The following CAST variants were observed in gnomAD, a reference collection of about 807,000 sequenced individuals.
CAST encodes the protein MIR583 host.
In CAST, 76 loss-of-function variants were observed where a neutral mutation model predicts 119.6. The observed-to-expected ratio is 0.64, with a 90% CI of 0.53 to 0.77. The LOEUF is 0.77. Among genes scored for constraint, CAST ranks in the 30% least tolerant of loss-of-function variants. The pLI is 0.00. For synonymous variants in CAST, 319 were observed against 331.6 expected, an observed-to-expected ratio of 0.96 and a Z score of 0.41; for missense variants, 953 against 946.5, an observed-to-expected ratio of 1.01 and a Z score of -0.09.
the CAST span, among the ~76,000 whole-genome samples, chr5:95,983,877 C>T: frequency 6.6e-6 from 1 of 152,134 alleles, no homozygotes; most frequent in African/African-American, 2.4e-5. Flanking sequence ...TTACAGCATA[C>T]ACCAAAAGTG....
At chr5:96,085,554 A>G in the CAST span, among the ~76,000 whole-genome samples, 1 of 152,250 alleles carries the variant, frequency 6.6e-6, no homozygotes, top group Non-Finnish European at 1.5e-5. Flanking sequence ...TTAGAGGGCT[A>G]AGAACTGAGG....
chr5:96,324,433 T>C, the CAST span, among the ~76,000 whole-genome samples: 3 of 152,224 alleles, frequency 2.0e-5, no homozygotes, highest in African/African-American at 7.2e-5. Flanking sequence ...CTAATCGTAA[T>C]TAGAATGTCC....
At chr5:96,160,644 C>T in the CAST span, among the ~76,000 whole-genome samples, 1 of 152,074 alleles carries the variant, frequency 6.6e-6, no homozygotes, top group Non-Finnish European at 1.5e-5. Flanking sequence ...AATTGCTGTA[C>T]CATATGGTAA....
At chr5:96,628,330 G>A (rs1233814589) in intron 1 of CAST, among the ~76,000 whole-genome samples, 3 of 152,206 alleles carry the variant, frequency 2.0e-5, no homozygotes, top group Admixed American at 6.5e-5. Context: ...TCAGACTTCT[G>A]AGCAAGAATG....
At chr5:96,311,739 C>CT in the CAST span, among the ~76,000 whole-genome samples, 9 of 150,920 alleles carry the variant, frequency 6.0e-5, no homozygotes, top group African/African-American at 1.7e-4. Context: ...AACAAAAATT[C>CT]TTTTTTTTTC....
At chr5:96,235,010 A>G in the CAST span, among the ~76,000 whole-genome samples, 2 of 152,228 alleles carry the variant, frequency 1.3e-5, no homozygotes, top group African/African-American at 4.8e-5. Flanking sequence ...ACCTGAATAA[A>G]TCAAGTTTCT....
chr5:96,325,408 TTCTC>T, the CAST span, among the ~76,000 whole-genome samples: 6 of 151,456 alleles, frequency 4.0e-5, no homozygotes, highest in African/African-American at 1.2e-4. Flanking sequence ...TTTTCTTTCT[TTCTC>T]TCTTTCTTTC....
At chr5:96,411,250 A>C in the CAST span, among the ~76,000 whole-genome samples, 4 of 152,326 alleles carry the variant, frequency 2.6e-5, no homozygotes, top group East Asian at 7.7e-4. Flanking sequence ...GCAGATTCAT[A>C]ATCTAGCGTT....
chr5:96,614,291 T>C (rs940111660), intron 1 of CAST, among the ~76,000 whole-genome samples: 3 of 152,330 alleles, frequency 2.0e-5, no homozygotes, highest in African/African-American at 4.8e-5. Context: ...CGTTAGGTTA[T>C]TGCGGTGAAG....
the CAST span, among the ~76,000 whole-genome samples, chr5:96,314,448 CA>C: frequency 6.6e-6 from 1 of 152,182 alleles, no homozygotes; most frequent in Non-Finnish European, 1.5e-5. Context: ...GTATTTGTAG[CA>C]TAGGTGAAGC....
At chr5:96,285,402 G>A in the CAST span, among the ~76,000 whole-genome samples, 6 of 152,160 alleles carry the variant, frequency 3.9e-5, no homozygotes, top group Non-Finnish European at 7.4e-5. Context: ...TTAACCTCAG[G>A]CTTGATTGAT....
the CAST span, among the ~76,000 whole-genome samples, chr5:96,291,850 G>GTGTGTA: frequency 7.2e-6 from 1 of 138,926 alleles, no homozygotes; most frequent in Non-Finnish European, 1.5e-5. Flanking sequence ...CTGCGTGTGT[G>GTGTGTA]TGTGTGTGTG....
chr5:96,298,894 G>GTGTGTGTA, the CAST span, among the ~76,000 whole-genome samples: 4 of 151,814 alleles, frequency 2.6e-5, no homozygotes, highest in African/African-American at 9.7e-5. Flanking sequence ...GTGTGTGTGT[G>GTGTGTGTA]TGTGCCTTAA....
intron 1 of CAST, among the ~76,000 whole-genome samples, chr5:96,556,178 A>G (rs1017021168): frequency 7.2e-5 from 11 of 152,370 alleles, no homozygotes; most frequent in Middle Eastern, 3.4e-3. Flanking sequence ...ACTAACAAAC[A>G]GAAAGGACAT....
chr5:96,584,511 G>A (rs1243446980), intron 1 of CAST: 1 of 152,208 alleles, frequency 6.6e-6, no homozygotes, highest in African/African-American at 2.4e-5. Flanking sequence ...AAAGAATTTA[G>A]CAAAGATATT....
At chr5:96,535,366 G>A (rs1305697043) in intron 1 of CAST, among the ~76,000 whole-genome samples, 2 of 143,790 alleles carry the variant, frequency 1.4e-5, no homozygotes, top group Admixed American at 1.5e-4. Context: ...ATTTATCATT[G>A]TGGAAGCAAA....
chr5:96,023,158 AC>A, the CAST span, among the ~76,000 whole-genome samples: 4 of 152,088 alleles, frequency 2.6e-5, no homozygotes, highest in African/African-American at 9.7e-5. Context: ...CATCCTCAAC[AC>A]CACTTCCCTA....
At chr5:96,267,426 C>G in the CAST span, among the ~76,000 whole-genome samples, 3 of 152,062 alleles carry the variant, frequency 2.0e-5, no homozygotes, top group Non-Finnish European at 4.4e-5. Flanking sequence ...CTAAAGGCAT[C>G]AAGAGAAAGA....
chr5:96,487,066 C>T, the CAST span, among the ~76,000 whole-genome samples: 8 of 152,224 alleles, frequency 5.3e-5, no homozygotes, highest in Admixed American at 1.3e-4. Context: ...TATGTGAGGG[C>T]GCTTTTGGTT....
Sources: allele counts gnomAD v4.1 joint callset (sites outside exome capture counted in the v4.1 genomes callset), GRCh38; gene constraint gnomAD v4.1.1; transcripts MANE v1.5; gene names NCBI Gene and HGNC (gene_info 2026-07-23, HGNC 2026-07-21).